Variants in HOXB3 observed in about 807,000 individuals in gnomAD.
HOXB3 encodes homeobox protein Hox-B3.
Under a neutral mutation model 29.2 loss-of-function variants are expected in HOXB3, and 17 were observed. That is an observed-to-expected ratio of 0.58 (90% CI 0.40 to 0.87). The LOEUF (loss-of-function observed/expected upper bound fraction) is 0.87. HOXB3 is among the 40% of genes least tolerant of loss of function. HOXB3 has a pLI of 0.00. For synonymous variants in HOXB3, 317 were observed against 285.9 expected (o/e 1.11, Z -1.10); for missense variants, 637 against 616.3 (o/e 1.03, Z -0.35).
At chr17:48,578,092 A>C (rs1409342651) in intron 1 of HOXB3, 3 of 633,720 alleles carry the variant, frequency 4.7e-6, no homozygotes, top group Non-Finnish European at 6.4e-6. Flanking sequence ...GTGGTGGCGG[A>C]GGCGGCGGGG....
chr17:48,576,649 G>GGGC, intron 1 of HOXB3: 2 of 774,816 alleles, frequency 2.6e-6, no homozygotes, highest in Non-Finnish European at 1.8e-6. Flanking sequence ...GCCCCCTCCT[G>GGGC]TCCCCCCACC....
At chr17:48,568,645 A>G (rs56243822) in intron 2 of HOXB3, among the ~76,000 whole-genome samples, 7 of 146,820 alleles carry the variant, frequency 4.8e-5, no homozygotes, top group South Asian at 2.2e-4. Context: ...ACGCACACAC[A>G]CGCGCGGACA....
intron 1 of HOXB3, among the ~76,000 whole-genome samples, 182 bp downstream of exon 1, chr17:48,589,943 G>A (rs994052560): frequency 4.6e-5 from 7 of 152,028 alleles, no homozygotes; most frequent in African/African-American, 1.2e-4. Flanking sequence ...ACCCCCGACC[G>A]ATGAGGCCTT....
chr17:48,564,342 T>C (rs867740574), intron 2 of HOXB3, among the ~76,000 whole-genome samples: 1 of 151,928 alleles, frequency 6.6e-6, no homozygotes, highest in African/African-American at 2.4e-5. Flanking sequence ...AGCCGCATCC[T>C]AGTCGCTCAA....
intron 1 of HOXB3, among the ~76,000 whole-genome samples, chr17:48,586,071 T>C (rs1034705338): frequency 1.3e-5 from 2 of 152,120 alleles, no homozygotes; most frequent in Admixed American, 1.3e-4. Context: ...CCGGATCCAC[T>C]AGGGGAGAGG....
intron 1 of HOXB3, among the ~76,000 whole-genome samples, chr17:48,586,176 C>T (rs1001342137): frequency 6.6e-6 from 1 of 152,148 alleles, no homozygotes; most frequent in Non-Finnish European, 1.5e-5. Context: ...CCAAGAGGAA[C>T]TTTAGGGGGA....
intron 1 of HOXB3, among the ~76,000 whole-genome samples, chr17:48,584,866 C>T (rs909174362): frequency 2.6e-5 from 4 of 152,110 alleles, no homozygotes; most frequent in African/African-American, 9.7e-5. Context: ...TCCTTACCTC[C>T]AGCATCCCAG....
rs530713063 is a variant in HOXB3, at chr17:48,561,183, A to AACACACACACACACACACACAC, written c.-246-5587_-246-5566dup. On this transcript the variant is annotated intron_variant, in intron 2 of 4. Coordinates refer to ENST00000498678, the MANE Select transcript of HOXB3 (RefSeq NM_001384749.1). Reference sequence around the variant, plus strand: ...CAACAAGAGCGAAACTCCGTCTCAAAACACACACACACACACACACACACA... The same window carrying AACACACACACACACACACACAC: ...CAACAAGAGCGAAACTCCGTCTCAAAACACACACACACACACACACACACACACACACACACACACACACACA... Among the ~76,000 whole-genome samples the AACACACACACACACACACACAC allele has an allele frequency of 3.8e-3, 473 of 125,448 alleles. 4 individuals carry two copies. Among genetic ancestry groups the AACACACACACACACACACACAC allele is most frequent in the East Asian group, 0.01 (39 of 3,776 alleles). The allele number at this position is 125,448 out of a possible 152,430, so 82.3% of individuals were successfully genotyped here.
At position 48,550,586 on chromosome 17, in the gene HOXB3, G is replaced by A. The variant is rs201716414; in HGVS notation, c.1044C>T (p.Gly348=). 1.1e-4 allele frequency: 165 copies of A among 1,525,116 alleles called. No homozygotes were observed. Among genetic ancestry groups the A allele is most frequent in the Admixed American group, 6.9e-4 (31 of 44,964 alleles). 94.5% of individuals were successfully genotyped at this position (1,525,116 alleles called of 1,614,324 possible). The change falls in exon 5 of 5, where the codon GGC becomes GGT. Residue 348 remains glycine, a synonymous_variant. Transcript: ENST00000498678. ...GGAYGTPTMQ[G]SPVYVGGGGY... The stretch of plus-strand genomic sequence containing the variant: ...CGCCCCCGCCCACGTACACCGGACT[G>A]CCCTGCATGGTGGGCGTCCCGTAGG...
At chr17:48,553,744 G>A (rs971928416) in intron 3 of HOXB3, 3 of 150,848 alleles carry the variant, frequency 2.0e-5, no homozygotes, top group Admixed American at 1.3e-4. Flanking sequence ...TTTTAAAAGT[G>A]TGCCAGAAAA....
Position 48,550,370 on chromosome 17 carries a change from A to G in HOXB3, c.1260T>C (p.Gly420=), listed in dbSNP as rs761090211. 70 of 1,613,992 alleles carry G rather than the reference A, an allele frequency of 4.3e-5. 1 individual carries two copies. The highest frequency in any genetic ancestry group is 5.7e-5 in the Non-Finnish European group (67 of 1,180,004). Reference sequence around the variant, plus strand: ...TTAATTTGGGCGCTTCTTGGATTCTACCCTGAGGAGGAGGCGCGTGGTGAG... The same window carrying G: ...TTAATTTGGGCGCTTCTTGGATTCTGCCCTGAGGAGGAGGCGCGTGGTGAG... ...LSSHHAPPPQ[G]RIQEAPKLTH... The change falls in exon 5 of 5, where the codon GGT becomes GGC. Residue 420 remains glycine (G), a synonymous_variant. Transcript: ENST00000498678.
intron 1 of HOXB3, chr17:48,582,631 C>T (rs992732347): frequency 1.3e-5 from 2 of 152,188 alleles, no homozygotes; most frequent in African/African-American, 2.4e-5. Flanking sequence ...ATAATATGCT[C>T]GCGCAGTTCG....
chr17:48,577,651 T>C (rs1176867340), intron 1 of HOXB3, among the ~76,000 whole-genome samples: 2 of 151,996 alleles, frequency 1.3e-5, no homozygotes, highest in African/African-American at 4.8e-5. Flanking sequence ...GGAACCTACT[T>C]CAAAGGCGCA....
chr17:48,554,663 G>A lies in HOXB3; in HGVS notation c.-159+868C>T, dbSNP rs1217330106. 1.4e-6 allele frequency: 1 copy of A among 702,298 alleles called. No individual in the cohort carries two copies. Among genetic ancestry groups the A allele is most frequent in the East Asian group, 2.7e-5 (1 of 37,284 alleles). 43.5% of individuals were successfully genotyped at this position (702,298 alleles called of 1,614,324 possible). A position where few individuals can be genotyped will look rare whatever the true frequency, so the allele number is the denominator to read the frequency against. ...CCCAAGGAGGCGAAGAAGAGCAAGC[G>A]ATCAGGACACCAAAACGGTTATCGG... On this transcript the variant is annotated intron_variant, in intron 3 of 4. Coordinates refer to ENST00000498678, the MANE Select transcript of HOXB3 (RefSeq NM_001384749.1). This position sits in a 1 kb window ranked among gnomAD's most constrained non-coding sequence, Gnocchi z 4.1.
chr17:48,562,336 G>C (rs778217779), intron 2 of HOXB3, among the ~76,000 whole-genome samples: 1 of 151,868 alleles, frequency 6.6e-6, no homozygotes, highest in Non-Finnish European at 1.5e-5. Flanking sequence ...CCCTCAGTTG[G>C]AGACAAGCAT....
At position 48,550,700 on chromosome 17, in the gene HOXB3, G is replaced by T. The variant is rs775487391; in HGVS notation, c.930C>A (p.Pro310=). The change falls in exon 5 of 5, where the codon CCC becomes CCA. Residue 310 remains proline (P), a synonymous_variant. Coordinates refer to ENST00000498678, the MANE Select transcript of HOXB3 (RefSeq NM_001384749.1). The stretch of plus-strand genomic sequence containing the variant: ...GCGGGGCGCCGCAGCCTTTGAGAGG[G>T]GGCTGGTAGTTGGAGGGCAGCGCGT... ...NAYALPSNYQ[P]PLKGCGAPQK... The T allele has an allele frequency of 1.3e-6, 2 of 1,542,424 alleles. No individual in the cohort carries two copies. The highest frequency in any genetic ancestry group is 2.5e-5 in the South Asian group (2 of 79,598).
At chr17:48,559,163 G>A (rs955567644) in intron 2 of HOXB3, among the ~76,000 whole-genome samples, 3 of 152,088 alleles carry the variant, frequency 2.0e-5, no homozygotes, top group African/African-American at 7.2e-5. Context: ...TGGGTACCCA[G>A]TATCAGGCGA....
intron 3 of HOXB3, among the ~76,000 whole-genome samples, chr17:48,555,145 G>C (rs1436495133): frequency 6.6e-6 from 1 of 151,910 alleles, no homozygotes; most frequent in Admixed American, 6.6e-5. Context: ...CCCGAGAGAG[G>C]GGATAGGCCA....
intron 2 of HOXB3, among the ~76,000 whole-genome samples, chr17:48,558,669 A>C (rs1254604746): frequency 1.3e-5 from 2 of 152,056 alleles, no homozygotes; most frequent in Non-Finnish European, 2.9e-5. Context: ...TGTTGCTGCT[A>C]GCCAGGGGAT....
Sources: gnomAD v4.1 joint callset for allele counts (sites outside exome capture counted in the v4.1 genomes callset) on GRCh38, gnomAD v4.1.1 for gene constraint, Gnocchi (gnomAD v3.1) non-coding constraint, MANE v1.5 for transcripts, NCBI Gene and HGNC (gene_info 2026-07-23, HGNC 2026-07-21) for gene names.